Variants in CMC2 observed in about 807,000 individuals in gnomAD.
The protein encoded by CMC2 is COX assembly mitochondrial protein 2 homolog.
A neutral mutation model predicts 7.5 loss-of-function variants in CMC2; 5 were observed. The observed-to-expected ratio is 0.66, with a 90% CI of 0.35 to 1.40. The LOEUF (loss-of-function observed/expected upper bound fraction) is 1.40, where lower values mean the gene tolerates loss of function less well. CMC2 is among the 40% of genes most tolerant of loss of function. CMC2 has a pLI of 0.04. For missense variants in CMC2, 115 were observed against 92.3 expected (o/e 1.25, Z -1.01); for synonymous variants, 37 against 31.4 (o/e 1.18, Z -0.60).
intron 1 of CMC2, chr16:80,998,267 A>G (rs1046260502): frequency 2.6e-5 from 4 of 152,146 alleles, no homozygotes; most frequent in Admixed American, 2.6e-4. Context: ...ATGATTACCA[A>G]AAGAAAGAAC....
chr16:80,995,007 G>A lies in CMC2; in HGVS notation c.81+2307C>T, dbSNP rs138108742. ...CTAAATATACAAAAATGAGCCAGGT[G>A]TGGTGACACACACCTGTAATCCCAG... is the stretch of plus-strand genomic sequence containing the variant. On this transcript the variant is annotated intron_variant, in intron 2 of 3. Transcript: ENST00000219400. 2.0e-3 allele frequency among the ~76,000 whole-genome samples: 307 copies of A among 152,100 alleles called. 3 individuals carry two copies. Among genetic ancestry groups the A allele is most frequent in the African/African-American group, 6.7e-3 (279 of 41,486 alleles).
In CMC2 at chr16:80,972,407, T is replaced by G. The variant is rs1248455293; in HGVS notation, c.*3686A>C. The G allele has an allele frequency of 6.6e-6, 1 of 152,210 alleles. No individual in the cohort carries two copies. Among genetic ancestry groups the G allele is most frequent in the African/African-American group, 2.4e-5 (1 of 41,438 alleles). 9.4% of individuals were successfully genotyped at this position (152,210 alleles called of 1,614,324 possible). A position where few individuals can be genotyped will look rare whatever the true frequency, so the allele number is the denominator to read the frequency against. On this transcript the variant is annotated 3_prime_UTR_variant, in exon 4 of 4. Coordinates refer to ENST00000219400, the MANE Select transcript of CMC2 (RefSeq NM_020188.5). ...TTTTCTAAGAACAGAATGATTTGTA[T>G]GTCTACCAGGCAGATCAATGGCATA...
chr16:81,000,648 T>C (rs1484303114), intron 1 of CMC2, among the ~76,000 whole-genome samples: 2 of 152,144 alleles, frequency 1.3e-5, no homozygotes, highest in African/African-American at 4.8e-5. Flanking sequence ...CACAATGAGA[T>C]ATCACCTCAC....
chr16:80,999,125 G>T (rs758472741), intron 1 of CMC2, among the ~76,000 whole-genome samples: 3 of 152,044 alleles, frequency 2.0e-5, no homozygotes, highest in African/African-American at 7.2e-5. Context: ...AAAGGCATCC[G>T]AATAAGAAAA....
At chr16:80,994,635 C>T (rs1224203091) in intron 2 of CMC2, among the ~76,000 whole-genome samples, 1 of 151,980 alleles carries the variant, frequency 6.6e-6, no homozygotes, top group Non-Finnish European at 1.5e-5. Context: ...AATTTAAAAC[C>T]AAAAGGAGAT....
rs765110940 is a variant in CMC2 at position 80,976,068 on chromosome 16, C to A, written c.*25G>T. Reference sequence around the variant, plus strand: ...CCAGAGTCTTTAGGTCTTCTCTCAGCCAAGGCATCGAGTGAAAATACAATT... The same window carrying A: ...CCAGAGTCTTTAGGTCTTCTCTCAGACAAGGCATCGAGTGAAAATACAATT... On this transcript the variant is annotated 3_prime_UTR_variant, in exon 4 of 4. Coordinates refer to ENST00000219400, the MANE Select transcript of CMC2 (RefSeq NM_020188.5). 5 of 1,388,460 alleles carry A rather than the reference C, an allele frequency of 3.6e-6. No individual in the cohort carries two copies. The East Asian group carries it at 1.1e-4, about 32-fold the overall frequency. 86.0% of individuals were successfully genotyped at this position (1,388,460 alleles called of 1,614,324 possible).
chr16:80,997,240 G>T, intron 2 of CMC2, 74 bp downstream of exon 2: 1 of 847,006 alleles, frequency 1.2e-6, no homozygotes. Flanking sequence ...TCTATCAACG[G>T]AGATAACATT....
rs1312770601 is a variant in CMC2, at chr16:80,966,743, T to G, written c.*9350A>C. ...CTGTGGTTATAAAATCAACTTGACA[T>G]GTACTCGAGTTATTTGTTTCAGCTT... On this transcript the variant is annotated 3_prime_UTR_variant, in exon 4 of 4. Transcript: ENST00000219400. 2 of 152,204 alleles carry G rather than the reference T, an allele frequency of 1.3e-5. No individual in the cohort carries two copies. Among genetic ancestry groups the G allele is most frequent in the East Asian group, 3.9e-4 (2 of 5,194 alleles). 9.4% of individuals were successfully genotyped at this position (152,204 alleles called of 1,614,324 possible). A position where few individuals can be genotyped will look rare whatever the true frequency, so the allele number is the denominator to read the frequency against.
intron 2 of CMC2, among the ~76,000 whole-genome samples, chr16:80,996,432 T>C (rs1395280336): frequency 6.6e-6 from 1 of 152,206 alleles, no homozygotes; most frequent in Non-Finnish European, 1.5e-5. Flanking sequence ...ACTTTAAAAA[T>C]CAAAACGTTA....
intron 2 of CMC2, among the ~76,000 whole-genome samples, chr16:80,985,952 G>C (rs1219768474): frequency 6.6e-6 from 1 of 151,014 alleles, no homozygotes; most frequent in African/African-American, 2.4e-5. Flanking sequence ...CTGTGGGAGA[G>C]TGGTGAAGAC....
intron 2 of CMC2, among the ~76,000 whole-genome samples, chr16:80,985,078 C>T (rs1967419060): frequency 6.6e-6 from 1 of 152,148 alleles, no homozygotes; most frequent in Admixed American, 6.6e-5. Context: ...ACCAGGGACA[C>T]AGAAGTGAGC....
chr16:80,979,134 G>A (rs879890928), intron 3 of CMC2, among the ~76,000 whole-genome samples: 3 of 152,076 alleles, frequency 2.0e-5, no homozygotes, highest in Admixed American at 1.3e-4. Context: ...GATGACATAT[G>A]AAGCAAACAG....
Position 80,967,617 on chromosome 16 carries a change from G to C in CMC2, c.*8476C>G, listed in dbSNP as rs1189868002. 2.0e-5 allele frequency: 3 copies of C among 152,334 alleles called. No homozygotes were observed. The highest frequency in any genetic ancestry group is 7.2e-5 in the African/African-American group (3 of 41,472). 9.4% of individuals were successfully genotyped at this position (152,334 alleles called of 1,614,324 possible). A position where few individuals can be genotyped will look rare whatever the true frequency, so the allele number is the denominator to read the frequency against. ...GCCTCCCAAAGTGCTGGGTTTACAG[G>C]CGTGAGCCACCTCGCCCAGCCTTCC... On this transcript the variant is annotated 3_prime_UTR_variant, in exon 4 of 4. Coordinates refer to ENST00000219400, the MANE Select transcript of CMC2 (RefSeq NM_020188.5).
intron 2 of CMC2, among the ~76,000 whole-genome samples, chr16:80,989,144 T>C (rs565354680): frequency 6.6e-6 from 1 of 152,344 alleles, no homozygotes; most frequent in South Asian, 2.1e-4. Context: ...CTCTAATTAT[T>C]ATGGGGACAC....
At position 80,976,198 on chromosome 16, in the gene CMC2, G is replaced by C. The variant is rs374458830; in HGVS notation, c.154-19C>G. On this transcript the variant is annotated intron_variant, in intron 3 of 3. Coordinates refer to ENST00000219400, the MANE Select transcript of CMC2 (RefSeq NM_020188.5). ...CTACGTACTGAAAAATAAAAGAAGGGGGGGAGAAAAGAAACAGCAGATTAT... is the reference window on the plus strand; with the variant it reads ...CTACGTACTGAAAAATAAAAGAAGGCGGGGAGAAAAGAAACAGCAGATTAT... 4.8e-5 allele frequency: 67 copies of C among 1,409,138 alleles called. No individual in the cohort carries two copies. The highest frequency in any genetic ancestry group is 1.5e-4 in the South Asian group (12 of 82,716). The allele number at this position is 1,409,138 out of a possible 1,614,324, so 87.3% of individuals were successfully genotyped here.
chr16:80,997,150 A>T lies in CMC2; in HGVS notation c.81+164T>A, dbSNP rs1968489514. 6.7e-6 allele frequency: 4 copies of T among 594,162 alleles called. No homozygotes were observed. In the South Asian group the frequency reaches 7.9e-5, roughly 12 times the overall value. 36.8% of individuals were successfully genotyped at this position (594,162 alleles called of 1,614,324 possible). A position where few individuals can be genotyped will look rare whatever the true frequency, so the allele number is the denominator to read the frequency against. ...AATCATAAAAGGAGGTAGTTTGTGTAAAAAAAAGAAAAAAATCGCACATAT... is the reference window on the plus strand; with the variant it reads ...AATCATAAAAGGAGGTAGTTTGTGTTAAAAAAAGAAAAAAATCGCACATAT... On this transcript the variant is annotated intron_variant, in intron 2 of 3. Transcript: ENST00000219400.
At position 80,975,978 on chromosome 16, in the gene CMC2, A is replaced by C; in HGVS notation, c.*115T>G. 1 of 681,090 alleles carries C rather than the reference A, an allele frequency of 1.5e-6. No individual in the cohort carries two copies. Among genetic ancestry groups the C allele is most frequent in the Non-Finnish European group, 2.6e-6 (1 of 382,884 alleles). The allele number at this position is 681,090 out of a possible 1,614,324, so 42.2% of individuals were successfully genotyped here. On this transcript the variant is annotated 3_prime_UTR_variant, in exon 4 of 4. Transcript: ENST00000219400. Reference sequence around the variant, plus strand: ...ATATTTCTCCATGGTTCAATCTCTCACAGGTCACTTTCCATTCAAAGGATT... The same window carrying C: ...ATATTTCTCCATGGTTCAATCTCTCCCAGGTCACTTTCCATTCAAAGGATT...
chr16:81,006,252 C>G (rs1969321016), intron 1 of CMC2, among the ~76,000 whole-genome samples: 1 of 152,032 alleles, frequency 6.6e-6, no homozygotes, highest in African/African-American at 2.4e-5. Context: ...TTGGTGGGTT[C>G]TCACATCACA....
chr16:81,005,396 AACAAG>A (rs1969203256), intron 1 of CMC2, among the ~76,000 whole-genome samples: 1 of 151,784 alleles, frequency 6.6e-6, no homozygotes, highest in Non-Finnish European at 1.5e-5. Flanking sequence ...TGGGCGACAA[AACAAG>A]ACGCCGTCTC....
Sources: gnomAD v4.1 joint callset for allele counts (sites outside exome capture counted in the v4.1 genomes callset) on GRCh38, gnomAD v4.1.1 for gene constraint, MANE v1.5 for transcripts, NCBI Gene and HGNC (gene_info 2026-07-23, HGNC 2026-07-21) for gene names.